COL24A1: variants seen among roughly 807,000 people sequenced by gnomAD.
The protein encoded by COL24A1 is collagen type XXIV alpha 1 chain, also known as collagen alpha-1(XXIV) chain.
Under a neutral mutation model 253.9 loss-of-function variants are expected in COL24A1, and 224 were observed. That is an observed-to-expected ratio of 0.88 (90% CI 0.79 to 0.99). The LOEUF (loss-of-function observed/expected upper bound fraction) is 0.99, where lower values mean the gene tolerates loss of function less well. Ranked by LOEUF, COL24A1 falls within the 50% of genes least tolerant of loss-of-function variation. The pLI is 0.00. For missense variants in COL24A1, 2,131 were observed against 2,068.5 expected, an observed-to-expected ratio of 1.03 and a Z score of -0.59; for synonymous variants, 685 against 673.7, an observed-to-expected ratio of 1.02 and a Z score of -0.26.
At chr1:85,981,496 T>C (rs1212216138) in intron 20 of COL24A1, among the ~76,000 whole-genome samples, 1 of 152,050 alleles carries the variant, frequency 6.6e-6, no homozygotes, top group Non-Finnish European at 1.5e-5. Flanking sequence ...AAAATCACCT[T>C]AAGATGGATC....
intron 8 of COL24A1, among the ~76,000 whole-genome samples, chr1:86,063,423 C>T (rs780102574): frequency 1.3e-5 from 2 of 151,076 alleles, no homozygotes; most frequent in Non-Finnish European, 3.0e-5. Context: ...GGAAAGGATT[C>T]ATAGTATTTA....
At chr1:86,018,460 TAGAG>T (rs746458010) in intron 18 of COL24A1, among the ~76,000 whole-genome samples, 44 of 152,278 alleles carry the variant, frequency 2.9e-4, no homozygotes, top group Non-Finnish European at 5.0e-4. Context: ...TTTAAAGAGA[TAGAG>T]AAAGGGGCGA....
chr1:85,876,733 A>G (rs184363111), intron 33 of COL24A1, among the ~76,000 whole-genome samples: 1 of 152,332 alleles, frequency 6.6e-6, no homozygotes, highest in Admixed American at 6.5e-5. Context: ...CAAACAATGG[A>G]AATAAAATAA....
intron 25 of COL24A1, among the ~76,000 whole-genome samples, chr1:85,911,139 T>C (rs1685320064): frequency 6.6e-6 from 1 of 152,036 alleles, no homozygotes; most frequent in Non-Finnish European, 1.5e-5. Flanking sequence ...GTCAGAAATC[T>C]AGACTGTTCC....
At chr1:85,976,929 C>T (rs745567514) in intron 20 of COL24A1, among the ~76,000 whole-genome samples, 8 of 152,324 alleles carry the variant, frequency 5.3e-5, no homozygotes, top group Non-Finnish European at 8.8e-5. Flanking sequence ...AAAGCCAGCA[C>T]GTGAAACGTA....
intron 59 of COL24A1, 103 bp from the exon 60 acceptor site, chr1:85,730,795 G>A: frequency 1.6e-6 from 2 of 1,221,976 alleles, no homozygotes. Context: ...AAGGATTAGA[G>A]ATAACGAATA....
At chr1:86,049,668 G>C (rs1044082489) in intron 11 of COL24A1, among the ~76,000 whole-genome samples, 2 of 151,978 alleles carry the variant, frequency 1.3e-5, no homozygotes, top group Non-Finnish European at 2.9e-5. Flanking sequence ...TTTTGCAAAG[G>C]TTCTATCTTT....
chr1:85,785,514 C>A (rs1669586931), intron 48 of COL24A1, among the ~76,000 whole-genome samples: 1 of 152,144 alleles, frequency 6.6e-6, no homozygotes, highest in African/African-American at 2.4e-5. Context: ...TTTCTTATTG[C>A]AAATTCAAGC....
At chr1:85,938,468 G>A (rs1688431007) in intron 24 of COL24A1, among the ~76,000 whole-genome samples, 1 of 146,660 alleles carries the variant, frequency 6.8e-6, no homozygotes, top group African/African-American at 2.5e-5. Context: ...AATTCACCCT[G>A]ATCATCAGAA....
intron 7 of COL24A1, among the ~76,000 whole-genome samples, chr1:86,084,435 A>C (rs1702895625): frequency 6.6e-6 from 1 of 152,238 alleles, no homozygotes; most frequent in Non-Finnish European, 1.5e-5. Flanking sequence ...TCAGGCATAC[A>C]ACAGACTCAT....
intron 2 of COL24A1, among the ~76,000 whole-genome samples, chr1:86,133,169 T>G (rs1649572049): frequency 6.6e-6 from 1 of 152,188 alleles, no homozygotes; most frequent in Admixed American, 6.5e-5. Flanking sequence ...TGTTGGTGTA[T>G]AAGAATGCTT....
intron 19 of COL24A1, among the ~76,000 whole-genome samples, chr1:86,010,209 C>T (rs1696363848): frequency 8.1e-6 from 1 of 123,580 alleles, no homozygotes; most frequent in Non-Finnish European, 1.8e-5. Flanking sequence ...AAAAGACTGA[C>T]AAATTTGGCT....
chr1:85,951,722 T>C (rs1188487422), intron 24 of COL24A1, among the ~76,000 whole-genome samples: 1 of 152,210 alleles, frequency 6.6e-6, no homozygotes, highest in Admixed American at 6.5e-5. Flanking sequence ...ATCATCTTGG[T>C]CTTTTCTGAT....
chr1:86,124,887 T>C lies in COL24A1; in HGVS notation c.1449A>G (p.Glu483=), dbSNP rs371162626. The C allele has an allele frequency of 1.2e-6, 2 of 1,600,152 alleles. No individual in the cohort carries two copies. The highest frequency in any genetic ancestry group is 1.7e-6 in the Non-Finnish European group (2 of 1,175,490). Residue 483 remains glutamate (E), a synonymous_variant, in exon 3 of 60, where the codon GAA becomes GAG. Transcript: ENST00000370571. ...CTTTTGGCCCTCTCAGATACTCCAT[T>C]TCAAGCATTGTATTTAGATCCTCAT... The part of the protein sequence containing the change: ...YYYEDLNTML[E]MEYLRGPKGD...
intron 5 of COL24A1, among the ~76,000 whole-genome samples, chr1:86,093,209 T>A (rs1367144622): frequency 6.6e-6 from 1 of 152,034 alleles, no homozygotes; most frequent in Non-Finnish European, 1.5e-5. Flanking sequence ...AAAAGAAAAG[T>A]CCTGCGTGTC....
At chr1:86,002,209 G>T (rs532377737) in intron 19 of COL24A1, among the ~76,000 whole-genome samples, 5 of 152,270 alleles carry the variant, frequency 3.3e-5, no homozygotes, top group African/African-American at 1.2e-4. Flanking sequence ...ATTGTGTGTG[G>T]GGGGATGTCA....
chr1:86,018,361 T>C (rs1697187507), intron 18 of COL24A1, among the ~76,000 whole-genome samples: 1 of 152,180 alleles, frequency 6.6e-6, no homozygotes, highest in African/African-American at 2.4e-5. Flanking sequence ...AAAGGCTCAT[T>C]TAAGTTTCCC....
chr1:86,107,528 T>A lies in COL24A1; in HGVS notation c.1599+5039A>T, dbSNP rs1287886462. On this transcript the variant is annotated intron_variant, in intron 5 of 59. Transcript: ENST00000370571. ...ATGGTAATTTATTTATTTATTTATT[T>A]ATTTATTTATTTATTTATTTATTTA... Among the ~76,000 whole-genome samples, 8 of 149,982 alleles carry A rather than the reference T, an allele frequency of 5.3e-5. No homozygotes were observed. The South Asian group carries it at 1.1e-3, about 20-fold the overall frequency.
chr1:86,051,923 T>C (rs1700333209), intron 10 of COL24A1, among the ~76,000 whole-genome samples: 1 of 152,118 alleles, frequency 6.6e-6, no homozygotes, highest in Admixed American at 6.6e-5. Flanking sequence ...GTAATTATCA[T>C]GGCAGGGAGT....
Sources: allele counts gnomAD v4.1 joint callset (sites outside exome capture counted in the v4.1 genomes callset), GRCh38; gene constraint gnomAD v4.1.1; transcripts MANE v1.5; gene names NCBI Gene and HGNC (gene_info 2026-07-23, HGNC 2026-07-21).